The following UNC13C variants were observed in gnomAD, a reference collection of about 807,000 sequenced individuals.
UNC13C encodes the protein unc-13 homolog C, also known as protein unc-13 homolog C.
Under a neutral mutation model 245.4 loss-of-function variants are expected in UNC13C, and 174 were observed. The ratio of observed to expected loss-of-function variants is 0.71; its 90% CI spans 0.63 to 0.80. The LOEUF is 0.80. UNC13C is among the 30% of genes least tolerant of loss of function. The pLI is 0.00. For missense variants in UNC13C, 2,829 were observed against 2,602.9 expected (o/e 1.09, Z -1.89); for synonymous variants, 992 against 895.1 (o/e 1.11, Z -1.93).
chr15:54,075,221 C>T (rs1283027902), intron 2 of UNC13C, among the ~76,000 whole-genome samples: 1 of 152,058 alleles, frequency 6.6e-6, no homozygotes, highest in Non-Finnish European at 1.5e-5. Context: ...CGCGGTGGCT[C>T]ATGCCTGTAA....
intron 4 of UNC13C, among the ~76,000 whole-genome samples, chr15:54,209,566 C>T (rs1378760875): frequency 6.6e-6 from 1 of 152,000 alleles, no homozygotes; most frequent in Non-Finnish European, 1.5e-5. Context: ...CACAGGCCAC[C>T]ATCTCTAGCT....
chr15:54,305,625 C>T (rs904561491), intron 13 of UNC13C, among the ~76,000 whole-genome samples: 3 of 151,854 alleles, frequency 2.0e-5, no homozygotes, highest in Non-Finnish European at 4.4e-5. Context: ...TAAAAGTAAC[C>T]GGAAAGCCAA....
intron 2 of UNC13C, among the ~76,000 whole-genome samples, chr15:54,083,125 G>T (rs554032628): frequency 1.3e-5 from 2 of 152,170 alleles, no homozygotes; most frequent in Non-Finnish European, 2.9e-5. Flanking sequence ...GAGAGACTGT[G>T]TTGGGGTGTT....
rs1013583639 is a variant in UNC13C, at chr15:54,510,645, T to C, written c.5380-1108T>C. The stretch of plus-strand genomic sequence containing the variant: ...CTTTAAGAGTCAAGTAGAAAGTTTT[T>C]CAAAGGTCATTAATGTGGCTCAAGT... On this transcript the variant is annotated intron_variant, in intron 23 of 32. Coordinates refer to ENST00000260323, the MANE Select transcript of UNC13C (RefSeq NM_001080534.3). Among the ~76,000 whole-genome samples, 6 of 152,172 alleles carry C rather than the reference T, an allele frequency of 3.9e-5. No individual in the cohort carries two copies. In the East Asian group the frequency reaches 1.2e-3, roughly 29 times the overall value.
intron 11 of UNC13C, among the ~76,000 whole-genome samples, chr15:54,296,754 G>A (rs529602989): frequency 2.6e-5 from 4 of 152,202 alleles, no homozygotes; most frequent in Non-Finnish European, 5.9e-5. Context: ...AAAGTCCTCC[G>A]CACTGACTTT....
rs1370051952 is a variant in UNC13C at position 54,011,376 on chromosome 15, A to G, written c.-256-1272A>G. Among the ~76,000 whole-genome samples the G allele has an allele frequency of 2.6e-4, 39 of 152,334 alleles. 2 individuals are homozygous for G. The highest frequency in any genetic ancestry group is 2.5e-3 in the Admixed American group (38 of 15,300). ...CATCAGAGGCATTAACAGAATTGCT[A>G]CTTTGATTTAAACAAAAAGAACCAT... is the stretch of plus-strand genomic sequence containing the variant. On this transcript the variant is annotated intron_variant, in intron 1 of 32. Transcript: ENST00000260323.
intron 30 of UNC13C, among the ~76,000 whole-genome samples, chr15:54,602,189 A>G (rs903665713): frequency 6.6e-6 from 1 of 152,232 alleles, no homozygotes; most frequent in Non-Finnish European, 1.5e-5. Flanking sequence ...AGTGGTTTCC[A>G]TGGAGTTGTG....
intron 4 of UNC13C, among the ~76,000 whole-genome samples, chr15:54,209,652 A>G (rs969427461): frequency 6.6e-6 from 1 of 152,050 alleles, no homozygotes; most frequent in Non-Finnish European, 1.5e-5. Context: ...GGGCTCAAAC[A>G]GTCGGCCCAC....
At chr15:54,426,972 G>C (rs1379604716) in intron 19 of UNC13C, among the ~76,000 whole-genome samples, 4 of 151,738 alleles carry the variant, frequency 2.6e-5, no homozygotes, top group Non-Finnish European at 5.9e-5. Flanking sequence ...TAAAACCTGA[G>C]TTAACCATTC....
chr15:54,572,586 C>T (rs964584561), intron 30 of UNC13C, among the ~76,000 whole-genome samples: 9 of 151,724 alleles, frequency 5.9e-5, no homozygotes, highest in Non-Finnish European at 1.2e-4. Flanking sequence ...CCACCATGCC[C>T]GGCATTTTTG....
intron 2 of UNC13C, among the ~76,000 whole-genome samples, chr15:54,131,445 G>A (rs1225762209): frequency 6.6e-6 from 1 of 152,106 alleles, no homozygotes; most frequent in Non-Finnish European, 1.5e-5. Context: ...GGTCAACAGT[G>A]GTCCAAAAAT....
At chr15:54,141,246 G>T (rs2032004039) in intron 2 of UNC13C, among the ~76,000 whole-genome samples, 1 of 152,020 alleles carries the variant, frequency 6.6e-6, no homozygotes, top group Non-Finnish European at 1.5e-5. Context: ...AGTTTTCCAT[G>T]TGATTTTGCA....
At chr15:54,053,984 A>G (rs1163389021) in intron 2 of UNC13C, among the ~76,000 whole-genome samples, 1 of 152,164 alleles carries the variant, frequency 6.6e-6, no homozygotes, top group East Asian at 1.9e-4. Flanking sequence ...ATTCTTTTTT[A>G]TAGCTGAATA....
intron 19 of UNC13C, among the ~76,000 whole-genome samples, chr15:54,488,861 G>T (rs1893556879): frequency 6.6e-6 from 1 of 152,146 alleles, no homozygotes; most frequent in Admixed American, 6.5e-5. Flanking sequence ...TAATGAGCTA[G>T]TTAAATCTTT....
chr15:54,172,734 ATATATATATATATATATATATATATATC>A, intron 4 of UNC13C, among the ~76,000 whole-genome samples: 1 of 98,782 alleles, frequency 1.0e-5, no homozygotes, highest in African/African-American at 5.4e-5. Flanking sequence ...ATATATATAT[ATATATATATATATATATATATATATATC>A]TTTACTCTAT....
intron 29 of UNC13C, among the ~76,000 whole-genome samples, chr15:54,559,178 G>A (rs1398724762): frequency 6.6e-6 from 1 of 151,932 alleles, no homozygotes; most frequent in African/African-American, 2.4e-5. Context: ...TTGGTATAAG[G>A]AAAGGAATTT....
chr15:54,065,119 T>C (rs908714213), intron 2 of UNC13C, among the ~76,000 whole-genome samples: 1 of 152,164 alleles, frequency 6.6e-6, no homozygotes, highest in African/African-American at 2.4e-5. Flanking sequence ...CAGTAGGCAT[T>C]TCAAATGATC....
chr15:54,632,754 T>C (rs576428428), downstream of UNC13C: 11 of 152,362 alleles, frequency 7.2e-5, no homozygotes, highest in African/African-American at 2.4e-4. Context: ...TTATCACCAA[T>C]GTGACACTGT....
chr15:54,009,363 A>G (rs1454991428), intron 1 of UNC13C, among the ~76,000 whole-genome samples: 3 of 151,940 alleles, frequency 2.0e-5, no homozygotes, highest in Middle Eastern at 3.4e-3. Flanking sequence ...CTTTTTCACT[A>G]CTCTTCTCAG....
Sources: allele counts gnomAD v4.1 joint callset (sites outside exome capture counted in the v4.1 genomes callset), GRCh38; gene constraint gnomAD v4.1.1; transcripts MANE v1.5; gene names NCBI Gene and HGNC (gene_info 2026-07-23, HGNC 2026-07-21).